Variants in HDAC9 observed in about 807,000 individuals in gnomAD.
HDAC9 encodes the protein histone deacetylase 9.
Under a neutral mutation model 139.4 loss-of-function variants are expected in HDAC9, and 41 were observed. The ratio of observed to expected loss-of-function variants is 0.29; its 90% CI spans 0.23 to 0.38. The LOEUF (loss-of-function observed/expected upper bound fraction) is 0.38, where lower values mean the gene tolerates loss of function less well. HDAC9 is among the 10% of genes least tolerant of loss of function. The pLI is 1.00. For missense variants in HDAC9, 1,147 were observed against 1,297.0 expected (o/e 0.88, Z 1.78); for synonymous variants, 517 against 476.2 (o/e 1.09, Z -1.12).
intron 1 of HDAC9, among the ~76,000 whole-genome samples, chr7:18,409,899 T>G (rs1012403602): frequency 6.6e-6 from 1 of 152,238 alleles, no homozygotes; most frequent in African/African-American, 2.4e-5. Flanking sequence ...GGAGCATAGC[T>G]TGTTTTAGCA....
At chr7:18,409,396 A>T (rs528936303) in intron 1 of HDAC9, among the ~76,000 whole-genome samples, 7 of 151,900 alleles carry the variant, frequency 4.6e-5, no homozygotes, top group African/African-American at 1.7e-4. Context: ...ATCTTTATGG[A>T]TCTCATTAAC....
chr7:18,743,684 A>G (rs530205993), intron 13 of HDAC9, among the ~76,000 whole-genome samples: 2 of 151,964 alleles, frequency 1.3e-5, no homozygotes, highest in South Asian at 4.2e-4. Flanking sequence ...CCTGTCTCTA[A>G]AAACATAAAA....
intron 22 of HDAC9, chr7:18,892,089 G>C (rs1347480822): frequency 3.3e-5 from 5 of 152,032 alleles, no homozygotes; most frequent in Non-Finnish European, 7.4e-5. Context: ...AGAATGAGGG[G>C]AAATAGTGAG....
intron 1 of HDAC9, among the ~76,000 whole-genome samples, chr7:18,301,874 T>C (rs1185945757): frequency 6.6e-6 from 1 of 152,224 alleles, no homozygotes; most frequent in East Asian, 1.9e-4. Context: ...CTGTGTTTTC[T>C]ATATTCCCTC....
At chr7:18,326,154 A>C (rs1800429860) in intron 1 of HDAC9, among the ~76,000 whole-genome samples, 2 of 152,088 alleles carry the variant, frequency 1.3e-5, no homozygotes, top group African/African-American at 4.8e-5. Context: ...ATTACATTTA[A>C]TATTTTCTGT....
chr7:18,542,096 C>A (rs1225268714), intron 2 of HDAC9, among the ~76,000 whole-genome samples: 3 of 152,096 alleles, frequency 2.0e-5, no homozygotes, highest in Admixed American at 6.6e-5. Flanking sequence ...TGGTGACAAT[C>A]AAAAATGTCT....
chr7:18,415,076 C>T (rs895118554), intron 1 of HDAC9, among the ~76,000 whole-genome samples: 1 of 152,170 alleles, frequency 6.6e-6, no homozygotes, highest in African/African-American at 2.4e-5. Flanking sequence ...AGCTGATACT[C>T]AGCGGCATTA....
intron 1 of HDAC9, among the ~76,000 whole-genome samples, chr7:18,475,042 T>A (rs907363754): frequency 6.6e-6 from 1 of 152,230 alleles, no homozygotes; most frequent in Admixed American, 6.5e-5. Context: ...GGCTGTGGAT[T>A]TACCCTGTGG....
chr7:18,183,375 T>C (rs961983260), intron 2 of HDAC9, among the ~76,000 whole-genome samples: 3 of 152,168 alleles, frequency 2.0e-5, no homozygotes, highest in Admixed American at 6.5e-5. Flanking sequence ...CCCTCAATCG[T>C]GAATTTTTCT....
intron 12 of HDAC9, among the ~76,000 whole-genome samples, chr7:18,689,390 A>G (rs1002299699): frequency 2.0e-5 from 3 of 152,010 alleles, no homozygotes; most frequent in African/African-American, 7.2e-5. Context: ...CTAAGAAACA[A>G]TGTCACAAGG....
At chr7:18,933,894 A>C (rs1781435297) in intron 22 of HDAC9, among the ~76,000 whole-genome samples, 1 of 152,134 alleles carries the variant, frequency 6.6e-6, no homozygotes, top group Non-Finnish European at 1.5e-5. Flanking sequence ...ATATCACTAA[A>C]GATGTGATGT....
intron 2 of HDAC9, among the ~76,000 whole-genome samples, chr7:18,528,541 C>T (rs1209120700): frequency 6.6e-6 from 1 of 151,968 alleles, no homozygotes; most frequent in Non-Finnish European, 1.5e-5. Flanking sequence ...TCTTCTTTGC[C>T]ACTTTACTTA....
intron 8 of HDAC9, among the ~76,000 whole-genome samples, 180 bp from the exon 9 acceptor site, chr7:18,644,491 T>A (rs1431867287): frequency 3.3e-5 from 5 of 152,198 alleles, no homozygotes; most frequent in Admixed American, 2.6e-4. Flanking sequence ...TTTATAACTA[T>A]GTCTTTGGAA....
At chr7:18,732,931 A>ATGTGTATACACACGTGTATGTGTG (rs1491192322) in intron 13 of HDAC9, among the ~76,000 whole-genome samples, 1 of 74,730 alleles carries the variant, frequency 1.3e-5, no homozygotes. Flanking sequence ...ACACGTGTGT[A>ATGTGTATACACACGTGTATGTGTG]TGTATGTGTA....
intron 14 of HDAC9, among the ~76,000 whole-genome samples, chr7:18,758,453 G>A (rs368390347): frequency 1.8e-4 from 28 of 152,188 alleles, no homozygotes; most frequent in African/African-American, 5.1e-4. Flanking sequence ...TAAAGGGTGC[G>A]CAGAAAGTTG....
chr7:18,767,545 G>A (rs1264356996), intron 16 of HDAC9, among the ~76,000 whole-genome samples: 3 of 152,170 alleles, frequency 2.0e-5, no homozygotes, highest in Non-Finnish European at 4.4e-5. Flanking sequence ...CATTGAGTAC[G>A]CACATACATT....
chr7:18,837,088 G>A (rs1256610627), intron 21 of HDAC9, among the ~76,000 whole-genome samples: 1 of 151,576 alleles, frequency 6.6e-6, no homozygotes, highest in Non-Finnish European at 1.5e-5. Context: ...TGAGAAAGCA[G>A]GTCCAGGAAA....
chr7:18,908,513 A>G (rs1247021140), intron 22 of HDAC9, among the ~76,000 whole-genome samples: 1 of 152,038 alleles, frequency 6.6e-6, no homozygotes, highest in African/African-American at 2.4e-5. Flanking sequence ...GTAATTTTGT[A>G]TCTATTAACC....
intron 2 of HDAC9, among the ~76,000 whole-genome samples, chr7:18,581,786 A>G (rs947054789): frequency 6.6e-6 from 1 of 152,198 alleles, no homozygotes; most frequent in Non-Finnish European, 1.5e-5. Flanking sequence ...TAAAAGTTCT[A>G]CATTGGGTGC....
Sources: allele counts gnomAD v4.1 joint callset (sites outside exome capture counted in the v4.1 genomes callset), GRCh38; gene constraint gnomAD v4.1.1; transcripts MANE v1.5; gene names NCBI Gene and HGNC (gene_info 2026-07-23, HGNC 2026-07-21).